Variants in NEU3 observed in about 807,000 individuals in gnomAD.
NEU3 encodes sialidase-3.
In NEU3, 10 loss-of-function variants were observed where a neutral mutation model predicts 11.4. The observed-to-expected ratio is 0.88, with a 90% confidence interval of 0.54 to 1.49. The LOEUF is 1.49. Ranked by LOEUF, NEU3 falls within the 40% of genes most tolerant of loss-of-function variation. The pLI, the probability that NEU3 is intolerant of heterozygous loss-of-function variation, is 0.00. For synonymous variants in NEU3, 212 were observed against 228.2 expected, an observed-to-expected ratio of 0.93 and a Z score of 0.64; for missense variants, 529 against 581.8, an observed-to-expected ratio of 0.91 and a Z score of 0.93.
chr11:74,981,010 C>T, the NEU3 span, among the ~76,000 whole-genome samples: 10 of 152,300 alleles, frequency 6.6e-5, no homozygotes, highest in African/African-American at 2.2e-4. Flanking sequence ...TTTGGTTTAT[C>T]GACTTGGGCA....
chr11:75,019,438 G>A (rs1195797256), downstream of NEU3, among the ~76,000 whole-genome samples: 1 of 152,358 alleles, frequency 6.6e-6, no homozygotes, highest in East Asian at 1.9e-4. Flanking sequence ...CGTCCCAGCT[G>A]CTCTAGCTGT....
At chr11:74,998,836 T>C (rs1415774489) in intron 2 of NEU3, among the ~76,000 whole-genome samples, 4 of 152,230 alleles carry the variant, frequency 2.6e-5, no homozygotes, top group Non-Finnish European at 5.9e-5. Flanking sequence ...GACTTCTGCA[T>C]GTATAACTAG....
upstream of NEU3, among the ~76,000 whole-genome samples, chr11:74,987,886 CTTTTTTTTTTTCTTTTT>C (rs1280869041): frequency 8.4e-5 from 7 of 83,282 alleles, no homozygotes; most frequent in Middle Eastern, 0.013. Flanking sequence ...GGTTCTAGGC[CTTTTTTTTTTTCTTTTT>C]TTTTTTTTTT....
chr11:75,000,308 G>A (rs1006901775), intron 2 of NEU3, among the ~76,000 whole-genome samples: 1 of 152,026 alleles, frequency 6.6e-6, no homozygotes, highest in East Asian at 1.9e-4. Context: ...GTAGTGCCAG[G>A]TATATTCAAA....
upstream of NEU3, among the ~76,000 whole-genome samples, chr11:74,983,919 T>G (rs79627791): frequency 5.3e-5 from 8 of 151,638 alleles, no homozygotes; most frequent in East Asian, 1.9e-4. Flanking sequence ...TGATTGTTGG[T>G]TTTTTTTTCC....
At chr11:75,010,946 A>T (rs770336168), downstream of NEU3, 5 of 152,150 alleles carry the variant, frequency 3.3e-5, no homozygotes, top group Non-Finnish European at 7.4e-5. Context: ...GATGACTATT[A>T]TACTAATATC....
In NEU3 at chr11:74,994,678, C is replaced by T. The variant is rs754961062; in HGVS notation, c.264C>T (p.His88=). The part of the protein sequence containing the change: ...RSTRRDEDAL[H]LVLRRGLRIG... Reference sequence around the variant, plus strand: ...CGAGGAGAGATGAGGATGCTCTCCACCTGGTGCTGAGGCGAGGGTTGAGGA... The same window carrying T: ...CGAGGAGAGATGAGGATGCTCTCCATCTGGTGCTGAGGCGAGGGTTGAGGA... Residue 88 remains histidine (H), a synonymous_variant, in exon 2 of 3, where the codon CAC becomes CAT. Transcript: ENST00000294064. The T allele has an allele frequency of 1.2e-6, 2 of 1,614,048 alleles. No individual in the cohort carries two copies. The highest frequency in any genetic ancestry group is 1.7e-6 in the Non-Finnish European group (2 of 1,179,908).
upstream of NEU3, among the ~76,000 whole-genome samples, chr11:74,984,892 T>G (rs1224078103): frequency 6.6e-6 from 1 of 152,118 alleles, no homozygotes; most frequent in African/African-American, 2.4e-5. Context: ...AAGTGAAAAC[T>G]GAACCATGAG....
At position 75,007,772 on chromosome 11, in the gene NEU3, G is replaced by T. The variant is rs1250589275; in HGVS notation, c.*1280G>T. ...ACGTTGGTTGTTCCTATCTTAGATT[G>T]TTTCTCCCATAGCCTGTTATTGCAA... is the stretch of plus-strand genomic sequence containing the variant. On this transcript the variant is annotated 3_prime_UTR_variant, in exon 3 of 3. Coordinates refer to ENST00000294064, the MANE Select transcript of NEU3 (RefSeq NM_006656.6). The T allele has an allele frequency of 1.3e-5, 2 of 152,136 alleles. No individual in the cohort carries two copies. Among genetic ancestry groups the T allele is most frequent in the African/African-American group, 4.8e-5 (2 of 41,426 alleles). 9.4% of individuals were successfully genotyped at this position (152,136 alleles called of 1,614,324 possible). A position where few individuals can be genotyped will look rare whatever the true frequency, so the allele number is the denominator to read the frequency against.
At chr11:74,993,583 G>T (rs952613485) in intron 1 of NEU3, among the ~76,000 whole-genome samples, 1 of 152,204 alleles carries the variant, frequency 6.6e-6, no homozygotes, top group African/African-American at 2.4e-5. Context: ...TCTGCACCCT[G>T]TGTAGGGTGT....
chr11:75,006,600 C>T lies in NEU3; in HGVS notation c.*108C>T. 7.6e-7 allele frequency: 1 copy of T among 1,321,456 alleles called. No homozygotes were observed. Among genetic ancestry groups the T allele is most frequent in the South Asian group, 1.5e-5 (1 of 64,956 alleles). 81.9% of individuals were successfully genotyped at this position (1,321,456 alleles called of 1,614,324 possible). A position where few individuals can be genotyped will look rare whatever the true frequency, so the allele number is the denominator to read the frequency against. On this transcript the variant is annotated 3_prime_UTR_variant, in exon 3 of 3. Transcript: ENST00000294064. ...AAAAACTTAATATTCTGTTCCCTAC[C>T]TTTTTTCACTTTTCCTCCTCCAAAG...
chr11:75,005,288 C>A, intron 2 of NEU3, 125 bp from the exon 3 acceptor site: 1 of 1,006,870 alleles, frequency 9.9e-7, no homozygotes, highest in Non-Finnish European at 1.4e-6. Flanking sequence ...AGTAGTTAGG[C>A]CTTCGTGATT....
chr11:75,000,507 T>C (rs1948832032), intron 2 of NEU3, among the ~76,000 whole-genome samples: 1 of 152,206 alleles, frequency 6.6e-6, no homozygotes, highest in Non-Finnish European at 1.5e-5. Flanking sequence ...TGATGGCTTA[T>C]TTCACTTATA....
At chr11:74,998,941 G>A (rs1341117750) in intron 2 of NEU3, among the ~76,000 whole-genome samples, 1 of 152,162 alleles carries the variant, frequency 6.6e-6, no homozygotes, top group Non-Finnish European at 1.5e-5. Context: ...TCATCGTCAT[G>A]TTGCACTGTT....
intron 3 of NEU3, among the ~76,000 whole-genome samples, chr11:75,017,304 A>C (rs1948984349): frequency 6.6e-6 from 1 of 152,144 alleles, no homozygotes. Flanking sequence ...GGGGTGGCAG[A>C]CACACTTATA....
the NEU3 span, among the ~76,000 whole-genome samples, chr11:74,981,996 G>C: frequency 6.6e-6 from 1 of 152,062 alleles, no homozygotes; most frequent in Non-Finnish European, 1.5e-5. Flanking sequence ...TCAGTCTCTA[G>C]GCAGGAGGCA....
In NEU3 at chr11:75,005,608, G is replaced by T. The variant is rs1948888949; in HGVS notation, c.502G>T (p.Gly168Ter). Residue 168 changes from glycine (G) to a stop codon, truncating the protein, a stop_gained, in exon 3 of 3, where the codon GGA becomes TGA. Coordinates refer to ENST00000294064, the MANE Select transcript of NEU3 (RefSeq NM_006656.6). LOFTEE classifies it low-confidence loss of function (END_TRUNC). ...TTGCTTCATCTACAGTCAGGATGCT[G>T]GATGTTCATGGAGTGAGGTGAGGGA... is the stretch of plus-strand genomic sequence containing the variant. ...RLCFIYSQDAGCSWSEVRDLT... is the reference protein window; with the variant it reads ...RLCFIYSQDA 6.2e-7 allele frequency: 1 copy of T among 1,613,884 alleles called. No individual in the cohort carries two copies.
At position 75,005,396 on chromosome 11, in the gene NEU3, C is replaced by T. The variant is rs1159233792; in HGVS notation, c.307-17C>T. 6.4e-7 allele frequency: 1 copy of T among 1,574,458 alleles called. No individual in the cohort carries two copies. Among genetic ancestry groups the T allele is most frequent in the Non-Finnish European group, 8.6e-7 (1 of 1,159,738 alleles). On this transcript the variant is annotated splice_polypyrimidine_tract_variant and intron_variant, in intron 2 of 2. Coordinates refer to ENST00000294064, the MANE Select transcript of NEU3 (RefSeq NM_006656.6). ...TATTAGTATCTCACTCCTACTTTCT[C>T]CCTTCTCCTTGTCTAGTGGGGGCCC...
upstream of NEU3, chr11:74,988,668 C>A (rs1948693239): frequency 7.8e-6 from 2 of 257,726 alleles, no homozygotes; most frequent in Non-Finnish European, 1.5e-5. Flanking sequence ...AGCTACAGAC[C>A]AATATAAGAG....
Sources: allele counts gnomAD v4.1 joint callset (sites outside exome capture counted in the v4.1 genomes callset), GRCh38; gene constraint gnomAD v4.1.1; transcripts MANE v1.5; gene names NCBI Gene and HGNC (gene_info 2026-07-23, HGNC 2026-07-21).